SOCS7: variants seen among roughly 807,000 people sequenced by gnomAD.
SOCS7 encodes NAP-4.
SOCS7 carries 18 observed loss-of-function variants against 58.9 expected under a neutral mutation model. The ratio of observed to expected loss-of-function variants is 0.31; its 90% CI spans 0.21 to 0.45. The LOEUF is 0.45. SOCS7 is among the 20% of genes least tolerant of loss of function. The probability of loss-of-function intolerance (pLI) is 1.00; values close to 1 mark genes in which losing one functional copy is unlikely to be tolerated. For synonymous variants in SOCS7, 388 were observed against 364.3 expected, an observed-to-expected ratio of 1.06 and a Z score of -0.74; for missense variants, 667 against 837.3, an observed-to-expected ratio of 0.80 and a Z score of 2.51.
At chr17:38,366,471 T>C (rs2037791672) in intron 5 of SOCS7, 54 bp downstream of exon 5, 2 of 1,598,022 alleles carry the variant, frequency 1.3e-6, no homozygotes, top group Admixed American at 3.3e-5. Context: ...AGCTAAATTC[T>C]GTATTCGGAC....
intron 7 of SOCS7, among the ~76,000 whole-genome samples, chr17:38,392,845 A>T (rs538439563): frequency 6.6e-6 from 1 of 152,314 alleles, no homozygotes; most frequent in Admixed American, 6.5e-5. Flanking sequence ...AGAGCTACCG[A>T]TAATTCTTCC....
chr17:38,379,604 C>G (rs192984497), intron 7 of SOCS7, among the ~76,000 whole-genome samples: 8 of 152,170 alleles, frequency 5.3e-5, no homozygotes, highest in African/African-American at 1.7e-4. Flanking sequence ...TCAGGGGAGC[C>G]TCAGGCAGAA....
At chr17:38,387,586 G>A (rs1330220902) in intron 7 of SOCS7, among the ~76,000 whole-genome samples, 1 of 89,322 alleles carries the variant, frequency 1.1e-5, no homozygotes, top group Non-Finnish European at 2.0e-5. Flanking sequence ...ACAATATATT[G>A]TATATATTAT....
chr17:38,371,277 CTT>C (rs10718633), intron 6 of SOCS7, among the ~76,000 whole-genome samples: 3 of 138,892 alleles, frequency 2.2e-5, no homozygotes, highest in Non-Finnish European at 3.1e-5. Flanking sequence ...CCATGCCCAA[CTT>C]TTTTTTTTTT....
intron 7 of SOCS7, 141 bp downstream of exon 7, chr17:38,377,983 C>A: frequency 1.4e-6 from 1 of 719,370 alleles, no homozygotes; most frequent in East Asian, 2.5e-5. Flanking sequence ...TACAGAGTCC[C>A]ATGGTTAATC....
At chr17:38,393,592 G>A (rs1216859586) in intron 7 of SOCS7, among the ~76,000 whole-genome samples, 6 of 151,912 alleles carry the variant, frequency 3.9e-5, no homozygotes, top group Admixed American at 1.3e-4. Flanking sequence ...AGTCAAAATC[G>A]CGCCACTGCA....
At chr17:38,383,796 G>A (rs973294343) in intron 7 of SOCS7, among the ~76,000 whole-genome samples, 8 of 152,002 alleles carry the variant, frequency 5.3e-5, no homozygotes, top group Admixed American at 1.3e-4. Context: ...CACCCGCCTC[G>A]GCCTCCCAAA....
chr17:38,397,906 G>A (rs2038265111), intron 9 of SOCS7, among the ~76,000 whole-genome samples: 1 of 152,088 alleles, frequency 6.6e-6, no homozygotes, highest in Non-Finnish European at 1.5e-5. Flanking sequence ...GTGAGGAGGT[G>A]CCATTTCAGC....
intron 1 of SOCS7, among the ~76,000 whole-genome samples, chr17:38,353,514 T>C (rs1386280879): frequency 1.3e-5 from 2 of 152,192 alleles, no homozygotes; most frequent in African/African-American, 2.4e-5. Context: ...CAGCAATCAA[T>C]TGGACACCTC....
intron 6 of SOCS7, among the ~76,000 whole-genome samples, 167 bp downstream of exon 6, chr17:38,368,217 A>C (rs2037816911): frequency 6.6e-6 from 1 of 152,198 alleles, no homozygotes; most frequent in African/African-American, 2.4e-5. Flanking sequence ...TCACTAGAAG[A>C]AATGGAGGGG....
intron 6 of SOCS7, among the ~76,000 whole-genome samples, chr17:38,375,640 A>G (rs895895388): frequency 1.3e-5 from 2 of 151,972 alleles, no homozygotes; most frequent in African/African-American, 4.8e-5. Context: ...ATGGATTTTT[A>G]TATGTGGATT....
Position 38,353,019 on chromosome 17 carries a change from C to G in SOCS7, c.967C>G (p.Leu323Val). 1 of 1,590,018 alleles carries G rather than the reference C, an allele frequency of 6.3e-7. No homozygotes were observed. Among genetic ancestry groups the G allele is most frequent in the South Asian group, 1.1e-5 (1 of 88,536 alleles). Residue 323 changes from leucine to valine, a missense_variant, in exon 1 of 10, where the codon CTG (leucine) becomes GTG (valine). Coordinates refer to ENST00000612932, the MANE Select transcript of SOCS7 (RefSeq NM_014598.4). ...CATGGGAGGCTCTGCGGGCCGGGAG[C>G]TGGACGCGGGGAGGTGAGACCGGCC... ...TDMGGSAGRE[L>V]DAGRKPKLTR...
chr17:38,361,176 A>G (rs1202252302), intron 1 of SOCS7, among the ~76,000 whole-genome samples: 3 of 152,232 alleles, frequency 2.0e-5, no homozygotes, highest in African/African-American at 7.2e-5. Flanking sequence ...GCTTTGACCC[A>G]TGCCTTGGGG....
At position 38,389,906 on chromosome 17, in the gene SOCS7, T is replaced by TATATAGAG. The variant is rs1555571102; in HGVS notation, c.1682-5402_1682-5401insTATAGAGA. Among the ~76,000 whole-genome samples, 153 of 103,476 alleles carry TATATAGAG rather than the reference T, an allele frequency of 1.5e-3. 12 individuals carry two copies. The highest frequency in any genetic ancestry group is 6.7e-3 in the African/African-American group (142 of 21,318). 67.9% of individuals were successfully genotyped at this position (103,476 alleles called of 152,430 possible). On this transcript the variant is annotated intron_variant, in intron 7 of 9. Transcript: ENST00000612932. ...ATGTACATATATATATATACACATA[T>TATATAGAG]AGAGAGAGAGAGAGAGAGAGAGTGA... is the stretch of plus-strand genomic sequence containing the variant.
At position 38,361,819 on chromosome 17, in the gene SOCS7, G is replaced by T. The variant is rs587767206; in HGVS notation, c.1045+44G>T. 8.4e-6 allele frequency: 12 copies of T among 1,423,324 alleles called. No individual in the cohort carries two copies. In the South Asian group the frequency reaches 1.3e-4, roughly 15 times the overall value. 88.2% of individuals were successfully genotyped at this position (1,423,324 alleles called of 1,614,324 possible). A position where few individuals can be genotyped will look rare whatever the true frequency, so the allele number is the denominator to read the frequency against. ...TCTCTTCTGACATCTGAAAACAGGG[G>T]CGTTCTGAGACCTGTTGGGAAACAC... On this transcript the variant is annotated intron_variant, in intron 2 of 9. Coordinates refer to ENST00000612932, the MANE Select transcript of SOCS7 (RefSeq NM_014598.4).
Position 38,395,868 on chromosome 17 carries a change from G to T in SOCS7, c.1838G>T (p.Arg613Leu). The change falls in exon 9 of 10, where the codon CGA becomes CTA. Residue 613 changes from arginine (R) to leucine (L), a missense_variant. Physicochemically the swap from Arg to Leu is moderately radical, Grantham distance 102. Transcript: ENST00000612932. ...CACAGACCTCTGATCTCTTATATCC[G>T]AAAGTTCTACTACTATGATCCTCAG... ...PLPKPLISYI[R>L]KFYYYDPQEE... is the part of the protein sequence containing the mutation. The T allele has an allele frequency of 6.2e-7, 1 of 1,610,708 alleles. No individual in the cohort carries two copies. Among genetic ancestry groups the T allele is most frequent in the Non-Finnish European group, 8.5e-7 (1 of 1,179,190 alleles).
chr17:38,353,625 C>T (rs957884712), intron 1 of SOCS7, among the ~76,000 whole-genome samples: 5 of 152,106 alleles, frequency 3.3e-5, no homozygotes, highest in Admixed American at 3.3e-4. Flanking sequence ...AATAGCAGAC[C>T]GGGCACAGTG....
At chr17:38,379,232 A>C (rs1341734869) in intron 7 of SOCS7, among the ~76,000 whole-genome samples, 1 of 151,548 alleles carries the variant, frequency 6.6e-6, no homozygotes, top group East Asian at 1.9e-4. Flanking sequence ...TAATTCCAGC[A>C]CTTTGGGAGG....
chr17:38,370,425 A>T (rs1350667546), intron 6 of SOCS7, among the ~76,000 whole-genome samples: 1 of 151,894 alleles, frequency 6.6e-6, no homozygotes, highest in Non-Finnish European at 1.5e-5. Context: ...TCGTAGCCTC[A>T]ACCTCCCAGG....
Sources: gnomAD v4.1 joint callset for allele counts (sites outside exome capture counted in the v4.1 genomes callset) on GRCh38, gnomAD v4.1.1 for gene constraint, MANE v1.5 for transcripts, NCBI Gene and HGNC (gene_info 2026-07-23, HGNC 2026-07-21) for gene names.